Variants in CASK observed in about 807,000 individuals in gnomAD.
CASK encodes peripheral plasma membrane protein CASK.
CASK carries 4 observed loss-of-function variants against 82.9 expected under a neutral mutation model. The observed-to-expected ratio is 0.05, with a 90% CI of 0.02 to 0.11. The LOEUF (loss-of-function observed/expected upper bound fraction) is 0.11. Ranked by LOEUF, CASK falls within the 10% of genes least tolerant of loss-of-function variation. CASK has a pLI of 1.00. For missense variants in CASK, 358 were observed against 720.9 expected (o/e 0.50, Z 5.76); for synonymous variants, 259 against 253.5 (o/e 1.02, Z -0.20).
chrX:41,675,768 C>T (rs1403540172), intron 5 of CASK: 5 of 1,200,917 alleles, frequency 4.2e-6, no homozygotes, highest in Non-Finnish European at 5.6e-6. Flanking sequence ...TAATTTTCCC[C>T]TCCTTCTCCT....
chrX:41,900,047 G>GTT (rs749129389), intron 1 of CASK, among the ~76,000 whole-genome samples: 3 of 92,436 alleles, frequency 3.2e-5, no homozygotes, highest in African/African-American at 7.8e-5. Context: ...TTTTTGTTTT[G>GTT]TTTTTTTTTT....
intron 3 of CASK, among the ~76,000 whole-genome samples, chrX:41,764,207 C>T (rs1275175044): frequency 9.0e-6 from 1 of 110,697 alleles, no homozygotes; most frequent in Non-Finnish European, 1.9e-5. Flanking sequence ...GTTCCTGATA[C>T]ACTTTTTTTT....
intron 9 of CASK, chrX:41,635,770 C>A (rs2066540648): frequency 9.8e-6 from 1 of 102,415 alleles, no homozygotes; most frequent in African/African-American, 3.6e-5. Context: ...AGAAAGACAC[C>A]TAGGAAGAAT....
chrX:41,822,991 T>C (rs2070582085), intron 2 of CASK, among the ~76,000 whole-genome samples: 2 of 94,376 alleles, frequency 2.1e-5, no homozygotes, highest in African/African-American at 8.0e-5. Flanking sequence ...CATATCTGCA[T>C]GTTGATAAGC....
intron 1 of CASK, among the ~76,000 whole-genome samples, chrX:41,864,866 G>A (rs974647027): frequency 4.5e-5 from 5 of 111,869 alleles, no homozygotes; most frequent in African/African-American, 1.3e-4. Flanking sequence ...GCATGCAAAC[G>A]AAATAACCAT....
At chrX:41,560,604 T>A (rs1051323289) in intron 17 of CASK, among the ~76,000 whole-genome samples, 1 of 106,060 alleles carries the variant, frequency 9.4e-6, no homozygotes, top group Non-Finnish European at 1.9e-5. Context: ...TAAAAAAAAA[T>A]TTTGGGCTGG....
intron 5 of CASK, among the ~76,000 whole-genome samples, chrX:41,690,612 C>T (rs1402615968): frequency 1.9e-5 from 2 of 107,617 alleles, no homozygotes; most frequent in Non-Finnish European, 3.8e-5. Flanking sequence ...TTGCCTGCCT[C>T]GGCCTCCCAA....
chrX:41,621,364 CT>C (rs1466172872), intron 11 of CASK, among the ~76,000 whole-genome samples: 2 of 111,935 alleles, frequency 1.8e-5, no homozygotes, highest in African/African-American at 6.5e-5. Context: ...GCTGTAAAGA[CT>C]GTGTCTTCAG....
At chrX:41,818,145 C>G (rs866345021) in intron 2 of CASK, among the ~76,000 whole-genome samples, 10 of 85,412 alleles carry the variant, frequency 1.2e-4, no homozygotes, top group African/African-American at 3.6e-4. Flanking sequence ...AGGAGGCCTT[C>G]TGTGTGTGTG....
In CASK at chrX:41,682,137, C is replaced by G. The variant is rs911370518; in HGVS notation, c.430-10607G>C. 4.6e-5 allele frequency among the ~76,000 whole-genome samples: 5 copies of G among 107,760 alleles called. 1 individual carries two copies. The highest frequency in any genetic ancestry group is 9.8e-3 in the Middle Eastern group (2 of 205). 93.6% of individuals were successfully genotyped at this position (107,760 alleles called of 115,157 possible). ...CACCAGTAGGTGCTAAAATCTTGCA[C>G]TTTTTGTGAAATACCTTTTTAAGTA... On this transcript the variant is annotated intron_variant, in intron 5 of 26. Coordinates refer to ENST00000378163, the MANE Select transcript of CASK (RefSeq NM_001367721.1).
chrX:41,625,202 T>C (rs1159499182), intron 10 of CASK, among the ~76,000 whole-genome samples: 3 of 102,621 alleles, frequency 2.9e-5, no homozygotes, highest in Non-Finnish European at 6.0e-5. Context: ...TTTTTTTTTT[T>C]TGAGACGGAG....
chrX:41,679,386 T>G (rs113775975), intron 5 of CASK, among the ~76,000 whole-genome samples: 1 of 111,995 alleles, frequency 8.9e-6, no homozygotes, highest in African/African-American at 3.3e-5. Flanking sequence ...TATTCTTTTA[T>G]GTAAGGCTTC....
At chrX:41,616,952 G>A (rs1315185246) in intron 11 of CASK, among the ~76,000 whole-genome samples, 1 of 112,440 alleles carries the variant, frequency 8.9e-6, no homozygotes, top group Non-Finnish European at 1.9e-5. Flanking sequence ...TAGGTACTAG[G>A]CAAGGGCTTC....
intron 3 of CASK, chrX:41,748,696 A>G (rs1391138745): frequency 2.5e-5 from 3 of 121,834 alleles, no homozygotes; most frequent in Non-Finnish European, 4.9e-5. Flanking sequence ...GAGCTAGAGG[A>G]CTTTCTGGAG....
chrX:41,626,059 C>T (rs1316686187), intron 10 of CASK, among the ~76,000 whole-genome samples: 2 of 106,727 alleles, frequency 1.9e-5, no homozygotes, highest in Non-Finnish European at 3.9e-5. Context: ...CTGCCTTGGC[C>T]TCCCAAAGTG....
intron 5 of CASK, among the ~76,000 whole-genome samples, chrX:41,688,771 G>A (rs938302743): frequency 9.0e-6 from 1 of 110,676 alleles, no homozygotes; most frequent in Non-Finnish European, 1.9e-5. Flanking sequence ...CAATTGTCAA[G>A]TTGGAAGGTA....
chrX:41,591,151 C>T (rs1004329289), intron 12 of CASK, among the ~76,000 whole-genome samples: 1 of 111,658 alleles, frequency 9.0e-6, no homozygotes, highest in Non-Finnish European at 1.9e-5. Flanking sequence ...TATATGTGGG[C>T]AGTCTCCATC....
At chrX:41,888,869 C>G (rs944720721) in intron 1 of CASK, among the ~76,000 whole-genome samples, 2 of 107,318 alleles carry the variant, frequency 1.9e-5, no homozygotes, top group Non-Finnish European at 3.8e-5. Flanking sequence ...AAACACACCC[C>G]ACATTTTCTT....
At chrX:41,814,307 G>A (rs1026275181) in intron 2 of CASK, among the ~76,000 whole-genome samples, 1 of 111,218 alleles carries the variant, frequency 9.0e-6, no homozygotes, top group East Asian at 2.8e-4. Context: ...TGTTTATTGC[G>A]GCACTATTCA....
Sources: allele counts gnomAD v4.1 joint callset (sites outside exome capture counted in the v4.1 genomes callset), GRCh38; gene constraint gnomAD v4.1.1; transcripts MANE v1.5; gene names NCBI Gene and HGNC (gene_info 2026-07-23, HGNC 2026-07-21).